The following PCDHGB7 variants were observed in gnomAD, a reference collection of about 807,000 sequenced individuals.
PCDHGB7 encodes protocadherin gamma-B7.
Under a neutral mutation model 61.4 loss-of-function variants are expected in PCDHGB7, and 37 were observed. The observed-to-expected ratio is 0.60, with a 90% CI of 0.46 to 0.79. The LOEUF (loss-of-function observed/expected upper bound fraction) is 0.79, where lower values mean the gene tolerates loss of function less well. PCDHGB7 is among the 30% of genes least tolerant of loss of function. PCDHGB7 has a pLI of 0.00. For synonymous variants in PCDHGB7, 464 were observed against 503.5 expected (o/e 0.92, Z 1.05); for missense variants, 1,166 against 1,202.5 (o/e 0.97, Z 0.45).
In PCDHGB7 at chr5:141,510,950, C is replaced by T. The variant is rs770587030; in HGVS notation, c.2567C>T (p.Ala856Val). 1.2e-6 allele frequency: 2 copies of T among 1,614,126 alleles called. No homozygotes were observed. The highest frequency in any genetic ancestry group is 2.2e-5 in the South Asian group (2 of 91,078). ...QAMILASASE[A>V]ADGSSTLGGG... Reference sequence around the variant, plus strand: ...TGATCTTCCTCTGTCTCTGCAGAAGCTGCTGATGGGAGCTCCACCCTGGGA... The same window carrying T: ...TGATCTTCCTCTGTCTCTGCAGAAGTTGCTGATGGGAGCTCCACCCTGGGA... The change falls in exon 4 of 4, where the codon GCT (alanine) becomes GTT (valine). Residue 856 changes from alanine (A) to valine (V), a missense_variant. Physicochemically the swap from Ala to Val is moderately conservative, Grantham distance 64. Transcript: ENST00000398594.
rs753936459 is a variant in PCDHGB7 at position 141,501,288 on chromosome 5, TATAC to T, written c.2475-4103_2475-4100del. Among the ~76,000 whole-genome samples the T allele has an allele frequency of 4.5e-4, 37 of 81,322 alleles. No homozygotes were observed. The South Asian group carries it at 5.1e-3, about 11-fold the overall frequency. 53.4% of individuals were successfully genotyped at this position (81,322 alleles called of 152,430 possible). A position where few individuals can be genotyped will look rare whatever the true frequency, so the allele number is the denominator to read the frequency against. ...TAGTCCAGTCTATGGGATATTCCCT[TATAC>T]ACACACACACACACACACACACACA... On this transcript the variant is annotated intron_variant, in intron 2 of 3. Coordinates refer to ENST00000398594, the MANE Select transcript of PCDHGB7 (RefSeq NM_018927.4).
chr5:141,456,578 C>G (rs959608396), intron 1 of PCDHGB7, among the ~76,000 whole-genome samples: 10 of 152,182 alleles, frequency 6.6e-5, no homozygotes, highest in African/African-American at 1.7e-4. Flanking sequence ...TTTCCCTGAG[C>G]CTGTCAATAA....
intron 1 of PCDHGB7, among the ~76,000 whole-genome samples, chr5:141,464,397 C>T (rs1352852782): frequency 1.3e-5 from 2 of 150,158 alleles, no homozygotes; most frequent in Non-Finnish European, 3.0e-5. Context: ...TAATGAAGAA[C>T]CTGAGATATA....
At chr5:141,462,302 A>C (rs2099036796) in intron 1 of PCDHGB7, among the ~76,000 whole-genome samples, 1 of 152,222 alleles carries the variant, frequency 6.6e-6, no homozygotes, top group African/African-American at 2.4e-5. Context: ...GTATTACCCA[A>C]ATATATTTGT....
At chr5:141,457,063 G>A (rs1477613746) in intron 1 of PCDHGB7, among the ~76,000 whole-genome samples, 1 of 152,104 alleles carries the variant, frequency 6.6e-6, no homozygotes, top group East Asian at 1.9e-4. Context: ...CTTCCTTTTT[G>A]CCAGTAACTA....
chr5:141,441,937 C>T, intron 1 of PCDHGB7: 1 of 344,792 alleles, frequency 2.9e-6, no homozygotes, highest in Non-Finnish European at 5.6e-6. Context: ...GCTGTCCTAC[C>T]ACGTGCTGCA....
intron 1 of PCDHGB7, chr5:141,422,932 C>G: frequency 6.2e-7 from 1 of 1,614,252 alleles, no homozygotes; most frequent in Non-Finnish European, 8.5e-7. Context: ...CCCTGCCCTC[C>G]CCACAGACGG....
chr5:141,490,482 G>A lies in PCDHGB7; in HGVS notation c.2416-4325G>A. On this transcript the variant is annotated intron_variant, in intron 1 of 3. Coordinates refer to ENST00000398594, the MANE Select transcript of PCDHGB7 (RefSeq NM_018927.4). The surrounding 1 kb of genome is among the most constrained non-coding windows in gnomAD (Gnocchi z 5.4). ...TGCTAACCAGCCAGCCTTTGGACCG[G>A]GAGGCCACATCCCACTATATCATCG... 2.5e-6 allele frequency: 4 copies of A among 1,614,154 alleles called. No homozygotes were observed. In the South Asian group the frequency reaches 4.4e-5, roughly 18 times the overall value.
At chr5:141,422,424 T>G (rs1182660567) in intron 1 of PCDHGB7, 3 of 1,607,958 alleles carry the variant, frequency 1.9e-6, no homozygotes, top group Non-Finnish European at 2.5e-6. Flanking sequence ...AAAAGACTTA[T>G]GGAAATTATT....
rs1303712746 is a variant in PCDHGB7 at position 141,512,800 on chromosome 5, C to G, written c.*1627C>G. The G allele has an allele frequency of 1.3e-5, 2 of 152,238 alleles. No homozygotes were observed. Among genetic ancestry groups the G allele is most frequent in the African/African-American group, 4.8e-5 (2 of 41,434 alleles). The allele number at this position is 152,238 out of a possible 1,614,324, so 9.4% of individuals were successfully genotyped here. A position where few individuals can be genotyped will look rare whatever the true frequency, so the allele number is the denominator to read the frequency against. On this transcript the variant is annotated 3_prime_UTR_variant, in exon 4 of 4. Coordinates refer to ENST00000398594, the MANE Select transcript of PCDHGB7 (RefSeq NM_018927.4). Reference sequence around the variant, plus strand: ...GCCCGTGTTGTGTTTTGTGCTGTGTCCACGCGCTAAGGCGACCCCCTCCCC... The same window carrying G: ...GCCCGTGTTGTGTTTTGTGCTGTGTGCACGCGCTAAGGCGACCCCCTCCCC...
Position 141,431,704 on chromosome 5 carries a change from C to T in PCDHGB7, c.2415+11430C>T. On this transcript the variant is annotated intron_variant, in intron 1 of 3. Transcript: ENST00000398594. The surrounding 1 kb of genome is among the most constrained non-coding windows in gnomAD (Gnocchi z 4.8). ...TGGACCACGAGGAGTCAGGATTCTA[C>T]CAGATGGAAGTGCAAGCAATGGATA... 1 of 1,614,194 alleles carries T rather than the reference C, an allele frequency of 6.2e-7. No homozygotes were observed. The highest frequency in any genetic ancestry group is 8.5e-7 in the Non-Finnish European group (1 of 1,180,036).
Position 141,431,711 on chromosome 5 carries a change from G to T in PCDHGB7, c.2415+11437G>T. On this transcript the variant is annotated intron_variant, in intron 1 of 3. Coordinates refer to ENST00000398594, the MANE Select transcript of PCDHGB7 (RefSeq NM_018927.4). This position sits in a 1 kb window ranked among gnomAD's most constrained non-coding sequence, Gnocchi z 4.8. ...CGAGGAGTCAGGATTCTACCAGATG[G>T]AAGTGCAAGCAATGGATAATGCAGG... 1 of 1,614,230 alleles carries T rather than the reference G, an allele frequency of 6.2e-7. No homozygotes were observed. The highest frequency in any genetic ancestry group is 1.1e-5 in the South Asian group (1 of 91,092).
rs1384951887 is a variant in PCDHGB7, at chr5:141,465,860, T to C, written c.2416-28947T>C. ...AACTGAGGCTGGGCCCAGTGGCTCA[T>C]GCCTGTAATCCCAGCACTTTGGGAG... On this transcript the variant is annotated intron_variant, in intron 1 of 3. Coordinates refer to ENST00000398594, the MANE Select transcript of PCDHGB7 (RefSeq NM_018927.4). Among the ~76,000 whole-genome samples the C allele has an allele frequency of 2.0e-5, 3 of 152,114 alleles. No individual in the cohort carries two copies. The South Asian group carries it at 6.2e-4, about 32-fold the overall frequency.
At chr5:141,497,818 G>T (rs2099779657) in intron 2 of PCDHGB7, among the ~76,000 whole-genome samples, 1 of 152,194 alleles carries the variant, frequency 6.6e-6, no homozygotes, top group African/African-American at 2.4e-5. Context: ...AGAATTACAG[G>T]TGTGATCGCC....
chr5:141,497,825 C>T (rs1015168533), intron 2 of PCDHGB7, among the ~76,000 whole-genome samples: 3 of 152,154 alleles, frequency 2.0e-5, no homozygotes, highest in Admixed American at 6.5e-5. Context: ...CAGGTGTGAT[C>T]GCCCCCGGCC....
At position 141,487,570 on chromosome 5, in the gene PCDHGB7, T is replaced by A; in HGVS notation, c.2416-7237T>A. 6.2e-7 allele frequency: 1 copy of A among 1,614,178 alleles called. No homozygotes were observed. On this transcript the variant is annotated intron_variant, in intron 1 of 3. Transcript: ENST00000398594. The surrounding 1 kb of genome is among the most constrained non-coding windows in gnomAD (Gnocchi z 5.0). ...CCAGTGCACCTATGGCAGGGGAGCCTGTTCGCCCAAGCTGCCCACCCTCTG... is the reference window on the plus strand; with the variant it reads ...CCAGTGCACCTATGGCAGGGGAGCCAGTTCGCCCAAGCTGCCCACCCTCTG...
chr5:141,421,203 G>T, intron 1 of PCDHGB7: 1 of 1,522,612 alleles, frequency 6.6e-7, no homozygotes, highest in Non-Finnish European at 8.8e-7. Flanking sequence ...TCGAGAAACC[G>T]CGGAATATCG....
Position 141,432,587 on chromosome 5 carries a change from A to C in PCDHGB7, c.2415+12313A>C. ...CGCCTGGCTGTCCTACCGTCTGCTC[A>C]AGGCCAGCGAGCCGGGACTCTTCTC... On this transcript the variant is annotated intron_variant, in intron 1 of 3. Transcript: ENST00000398594. This position sits in a 1 kb window ranked among gnomAD's most constrained non-coding sequence, Gnocchi z 6.0. 1.9e-6 allele frequency: 3 copies of C among 1,613,250 alleles called. No individual in the cohort carries two copies. Among genetic ancestry groups the C allele is most frequent in the Non-Finnish European group, 2.5e-6 (3 of 1,179,918 alleles).
intron 1 of PCDHGB7, among the ~76,000 whole-genome samples, chr5:141,467,823 T>A (rs1225960296): frequency 1.3e-5 from 2 of 152,012 alleles, no homozygotes; most frequent in African/African-American, 2.4e-5. Flanking sequence ...CACACCAGGC[T>A]GATTTTTATA....
Sources: allele counts gnomAD v4.1 joint callset (sites outside exome capture counted in the v4.1 genomes callset), GRCh38; gene constraint gnomAD v4.1.1; non-coding constraint Gnocchi (gnomAD v3.1); transcripts MANE v1.5; gene names NCBI Gene and HGNC (gene_info 2026-07-23, HGNC 2026-07-21).